The following SUPT3H variants were observed in gnomAD, a reference collection of about 807,000 sequenced individuals.
SUPT3H encodes the protein transcription initiation protein SPT3 homolog.
SUPT3H carries 44 observed loss-of-function variants against 44.3 expected under a neutral mutation model. That is an observed-to-expected ratio of 0.99 (90% CI 0.78 to 1.28). The LOEUF is 1.28. Among genes scored for constraint, SUPT3H ranks in the 50% most tolerant of loss-of-function variants. SUPT3H has a pLI of 0.00. For synonymous variants in SUPT3H, 124 were observed against 125.6 expected, an observed-to-expected ratio of 0.99 and a Z score of 0.09; for missense variants, 380 against 387.1, an observed-to-expected ratio of 0.98 and a Z score of 0.15.
chr6:45,030,937 A>G (rs1245915239), intron 3 of SUPT3H, among the ~76,000 whole-genome samples: 1 of 152,180 alleles, frequency 6.6e-6, no homozygotes, highest in Non-Finnish European at 1.5e-5. Context: ...TTAGTGTGGT[A>G]CATCCCGAAG....
intron 10 of SUPT3H, among the ~76,000 whole-genome samples, chr6:44,889,693 T>G (rs914030796): frequency 2.0e-5 from 3 of 152,150 alleles, no homozygotes; most frequent in Non-Finnish European, 4.4e-5. Context: ...ATTCAGGACA[T>G]AGGCATGGGC....
At chr6:45,266,397 A>C (rs566965130) in intron 2 of SUPT3H, among the ~76,000 whole-genome samples, 2 of 152,074 alleles carry the variant, frequency 1.3e-5, no homozygotes, top group African/African-American at 4.8e-5. Flanking sequence ...TTAACCTCAA[A>C]CAACCAAGAA....
At chr6:45,124,810 C>G (rs549522522) in intron 2 of SUPT3H, among the ~76,000 whole-genome samples, 6 of 152,054 alleles carry the variant, frequency 3.9e-5, no homozygotes, top group African/African-American at 1.4e-4. Context: ...CAGAATATGA[C>G]CTTATTTAGA....
intron 2 of SUPT3H, among the ~76,000 whole-genome samples, chr6:45,341,533 C>T (rs1362448610): frequency 1.3e-5 from 2 of 152,002 alleles, no homozygotes; most frequent in East Asian, 3.9e-4. Flanking sequence ...AAAAGGAAAA[C>T]ACAAATTTTC....
chr6:45,321,778 C>A (rs1249987504), intron 2 of SUPT3H: 1 of 1,558,688 alleles, frequency 6.4e-7, no homozygotes, highest in Non-Finnish European at 8.8e-7. Context: ...GATAGGAACA[C>A]AATTTCCCAC....
At chr6:45,371,724 A>G (rs1796096533) in intron 1 of SUPT3H, among the ~76,000 whole-genome samples, 1 of 152,226 alleles carries the variant, frequency 6.6e-6, no homozygotes, top group Admixed American at 6.5e-5. Context: ...TTAAACACTC[A>G]GTTAAGAAAT....
intron 2 of SUPT3H, among the ~76,000 whole-genome samples, chr6:45,155,781 G>A (rs1342661784): frequency 6.6e-6 from 1 of 152,016 alleles, no homozygotes. Context: ...GAGATTCCAG[G>A]GTCACTGTAC....
chr6:45,350,080 A>C (rs1427463101), intron 2 of SUPT3H, among the ~76,000 whole-genome samples: 1 of 152,250 alleles, frequency 6.6e-6, no homozygotes, highest in Admixed American at 6.5e-5. Flanking sequence ...ACACAAAACT[A>C]TAAACTGCAA....
At position 44,954,500 on chromosome 6, in the gene SUPT3H, C is replaced by T. The variant is rs1212722652; in HGVS notation, c.688G>A (p.Ala230Thr). 1.2e-6 allele frequency: 2 copies of T among 1,612,364 alleles called. No homozygotes were observed. The highest frequency in any genetic ancestry group is 8.5e-7 in the Non-Finnish European group (1 of 1,178,490). Residue 230 changes from alanine (A) to threonine (T), a missense_variant, in exon 8 of 11, where the codon GCA becomes ACA. Ala to Thr is a moderately conservative substitution (Grantham distance 58). Coordinates refer to ENST00000371459, the MANE Select transcript of SUPT3H (RefSeq NM_003599.4). ...ILAYLAYETV[A>T]QLVDLALLVR... ...TGACAGATTAGAATTCTTACCTGTG[C>T]CACAGTTTCATACGCTAAATATGCT...
intron 10 of SUPT3H, among the ~76,000 whole-genome samples, chr6:44,886,107 G>A (rs918603863): frequency 6.6e-6 from 1 of 152,194 alleles, no homozygotes; most frequent in Non-Finnish European, 1.5e-5. Context: ...CAAGAAATAT[G>A]GGACTACGTG....
At position 45,260,598 on chromosome 6, in the gene SUPT3H, C is replaced by A. The variant is rs367636803; in HGVS notation, c.101+104603G>T. Among the ~76,000 whole-genome samples the A allele has an allele frequency of 2.0e-5, 3 of 152,140 alleles. No individual in the cohort carries two copies. In the East Asian group the frequency reaches 5.8e-4, roughly 29 times the overall value. ...CTCATAACATAGATTATCTTTTAAT[C>A]TCTACATTTTAACAAGTAAAATAAT... On this transcript the variant is annotated intron_variant, in intron 2 of 10. Transcript: ENST00000371459.
At chr6:45,077,995 A>T (rs1401312955) in intron 3 of SUPT3H, among the ~76,000 whole-genome samples, 2 of 152,168 alleles carry the variant, frequency 1.3e-5, no homozygotes, top group South Asian at 2.1e-4. Context: ...GGGAACACAC[A>T]ATCTAAAACA....
At chr6:45,306,279 G>T (rs899586683) in intron 2 of SUPT3H, among the ~76,000 whole-genome samples, 1 of 152,150 alleles carries the variant, frequency 6.6e-6, no homozygotes, top group Non-Finnish European at 1.5e-5. Flanking sequence ...TCCCTGTTAG[G>T]AGTAAAAGAG....
chr6:44,948,120 T>C (rs553529685), intron 9 of SUPT3H, among the ~76,000 whole-genome samples: 24 of 152,304 alleles, frequency 1.6e-4, no homozygotes, highest in South Asian at 4.1e-4. Flanking sequence ...GGATGTGTGG[T>C]ATTATTTCTG....
intron 10 of SUPT3H, among the ~76,000 whole-genome samples, chr6:44,908,677 T>C (rs1171083053): frequency 6.6e-6 from 1 of 152,042 alleles, no homozygotes; most frequent in Non-Finnish European, 1.5e-5. Flanking sequence ...CCCCAGAAAG[T>C]CTTCACTGCA....
intron 5 of SUPT3H, among the ~76,000 whole-genome samples, chr6:45,010,949 G>T (rs1474576833): frequency 6.6e-6 from 1 of 151,964 alleles, no homozygotes; most frequent in African/African-American, 2.4e-5. Flanking sequence ...TTTGTTAAAT[G>T]CTTTTCCTAC....
chr6:45,133,442 A>G (rs1226866698), intron 2 of SUPT3H, among the ~76,000 whole-genome samples: 2 of 152,216 alleles, frequency 1.3e-5, no homozygotes, highest in African/African-American at 4.8e-5. Context: ...TGTAGAACTG[A>G]AAATAAACCA....
intron 2 of SUPT3H, among the ~76,000 whole-genome samples, chr6:45,324,513 T>C (rs1338581648): frequency 6.6e-6 from 1 of 150,962 alleles, no homozygotes; most frequent in Non-Finnish European, 1.5e-5. Flanking sequence ...TTTGAGGCTG[T>C]ATAGAAATGA....
rs1246395080 is a variant in SUPT3H, at chr6:45,038,435, A to C, written c.187-17803T>G. On this transcript the variant is annotated intron_variant, in intron 3 of 10. Coordinates refer to ENST00000371459, the MANE Select transcript of SUPT3H (RefSeq NM_003599.4). The stretch of plus-strand genomic sequence containing the variant: ...GCTCACAATGCCTAATGATTAGAGT[A>C]GCTATTCATATTGAGAGCTATTCAT... 7.9e-5 allele frequency among the ~76,000 whole-genome samples: 12 copies of C among 152,318 alleles called. 1 individual carries two copies. Among genetic ancestry groups the C allele is most frequent in the Non-Finnish European group, 1.6e-4 (11 of 68,012 alleles).
Sources: allele counts gnomAD v4.1 joint callset (sites outside exome capture counted in the v4.1 genomes callset), GRCh38; gene constraint gnomAD v4.1.1; transcripts MANE v1.5; gene names NCBI Gene and HGNC (gene_info 2026-07-23, HGNC 2026-07-21).